Variants in YIPF7 observed in about 807,000 individuals in gnomAD.
The protein encoded by YIPF7 is protein YIPF7.
YIPF7 carries 35 observed loss-of-function variants against 27.2 expected under a neutral mutation model. The observed-to-expected ratio is 1.29, with a 90% confidence interval of 0.98 to 1.70. YIPF7 has a LOEUF of 1.70. Among genes scored for constraint, YIPF7 ranks in the 40% most tolerant of loss-of-function variants. The pLI is 0.00. For missense variants in YIPF7, 358 were observed against 303.7 expected, an observed-to-expected ratio of 1.18 and a Z score of -1.33; for synonymous variants, 137 against 110.4, an observed-to-expected ratio of 1.24 and a Z score of -1.51.
At chr4:44,644,615 G>A (rs1220716521) in intron 2 of YIPF7, among the ~76,000 whole-genome samples, 1 of 152,188 alleles carries the variant, frequency 6.6e-6, no homozygotes, top group Non-Finnish European at 1.5e-5. Context: ...GCAGAAGGGA[G>A]TAGCCTTGTG....
chr4:44,645,491 A>G (rs75417897), intron 2 of YIPF7, among the ~76,000 whole-genome samples: 1 of 152,222 alleles, frequency 6.6e-6, no homozygotes, highest in Non-Finnish European at 1.5e-5. Flanking sequence ...AATATGCTCA[A>G]TATTTAAGAT....
intron 3 of YIPF7, among the ~76,000 whole-genome samples, chr4:44,635,033 AAAG>A (rs1476875745): frequency 6.6e-6 from 1 of 152,218 alleles, no homozygotes; most frequent in Non-Finnish European, 1.5e-5. Flanking sequence ...TAAGGAAAAG[AAAG>A]AAGAATGTGG....
At chr4:44,638,306 G>GAATAGGCAAGCTTGC (rs1713208938) in intron 2 of YIPF7, among the ~76,000 whole-genome samples, 1 of 150,914 alleles carries the variant, frequency 6.6e-6, no homozygotes, top group African/African-American at 2.4e-5. Context: ...GATGGAGCTG[G>GAATAGGCAAGCTTGC]ACTAGGCAAG....
intron 1 of YIPF7, among the ~76,000 whole-genome samples, chr4:44,650,355 A>T (rs772714168): frequency 6.6e-6 from 1 of 152,190 alleles, no homozygotes; most frequent in Non-Finnish European, 1.5e-5. Context: ...TAATAACTTG[A>T]CTTTAATTCA....
chr4:44,650,507 G>GCGCGCGCACACACATGCGCGCGCGCGCA (rs6148421), intron 1 of YIPF7, among the ~76,000 whole-genome samples: 1 of 137,086 alleles, frequency 7.3e-6, no homozygotes, highest in African/African-American at 2.7e-5. Flanking sequence ...GCGCGCGCGC[G>GCGCGCGCACACACATGCGCGCGCGCGCA]CACACACACA....
chr4:44,660,571 G>A (rs1714020638), exon 2 of YIPF7: 1 of 152,166 alleles, frequency 6.6e-6, no homozygotes, highest in Non-Finnish European at 1.5e-5. Context: ...TCCCAGTTGA[G>A]GCCACAGACA....
At chr4:44,651,118 C>T (rs1179559144) in intron 1 of YIPF7, among the ~76,000 whole-genome samples, 5 of 152,120 alleles carry the variant, frequency 3.3e-5, no homozygotes, top group African/African-American at 1.2e-4. Context: ...TAAACAGCCT[C>T]AACTCTAAAG....
At chr4:44,635,721 A>T (rs1033908028) in intron 3 of YIPF7, among the ~76,000 whole-genome samples, 1 of 152,144 alleles carries the variant, frequency 6.6e-6, no homozygotes, top group Non-Finnish European at 1.5e-5. Context: ...AGAATATCTC[A>T]TATCTGCACC....
At chr4:44,632,392 G>A (rs1354394641) in intron 3 of YIPF7, among the ~76,000 whole-genome samples, 2 of 152,178 alleles carry the variant, frequency 1.3e-5, no homozygotes, top group African/African-American at 2.4e-5. Context: ...TCATATGGAA[G>A]TCTCGAGCTA....
At position 44,644,063 on chromosome 4, in the gene YIPF7, C is replaced by T. The variant is rs187936484; in HGVS notation, c.116+5922G>A. Among the ~76,000 whole-genome samples the T allele has an allele frequency of 2.5e-3, 381 of 152,224 alleles. 1 individual carries two copies. The highest frequency in any genetic ancestry group is 3.9e-3 in the Non-Finnish European group (262 of 68,002). ...CATCCAGACCCCAGAATGGTAGATC[C>T]CCCAGAAACTTGCAACCTGCATCTA... On this transcript the variant is annotated intron_variant, in intron 2 of 5. Transcript: ENST00000415895.
At chr4:44,650,253 A>G (rs1021305806) in intron 1 of YIPF7, among the ~76,000 whole-genome samples, 152 bp from the exon 2 acceptor site, 2 of 152,206 alleles carry the variant, frequency 1.3e-5, no homozygotes, top group Non-Finnish European at 2.9e-5. Context: ...TATTGGGGGA[A>G]GGGTATAGAA....
In YIPF7 at chr4:44,646,064, C is replaced by A. The variant is rs189331756; in HGVS notation, c.116+3921G>T. Among the ~76,000 whole-genome samples the A allele has an allele frequency of 1.4e-4, 21 of 152,254 alleles. No individual in the cohort carries two copies. In the East Asian group the frequency reaches 3.9e-3, roughly 28 times the overall value. On this transcript the variant is annotated intron_variant, in intron 2 of 5. Coordinates refer to ENST00000415895, the MANE Select transcript of YIPF7 (RefSeq NM_182592.3). ...TAGATATCTTATAGTTTTCTAAAAG[C>A]AGAGATGTTGGTGGAGTCAAGGAAA...
At chr4:44,640,650 G>A (rs1713292883) in intron 2 of YIPF7, among the ~76,000 whole-genome samples, 1 of 152,098 alleles carries the variant, frequency 6.6e-6, no homozygotes, top group Non-Finnish European at 1.5e-5. Context: ...CCCAACTGTT[G>A]CCCCTCAGTT....
intron 5 of YIPF7, 137 bp downstream of exon 5, chr4:44,624,464 A>C (rs905518725): frequency 2.0e-6 from 2 of 980,934 alleles, no homozygotes; most frequent in African/African-American, 3.3e-5. Context: ...TTCTTAATCT[A>C]TGAGTAGCTT....
upstream of YIPF7, among the ~76,000 whole-genome samples, chr4:44,653,715 A>C (rs1413310808): frequency 1.3e-5 from 2 of 152,118 alleles, no homozygotes; most frequent in Non-Finnish European, 2.9e-5. Context: ...TCTAGTGCAT[A>C]ATGCCATAGG....
At chr4:44,642,047 C>G (rs1290107735) in intron 2 of YIPF7, among the ~76,000 whole-genome samples, 1 of 152,048 alleles carries the variant, frequency 6.6e-6, no homozygotes, top group Non-Finnish European at 1.5e-5. Context: ...ACTAAATGGA[C>G]CAATGTCTAA....
At chr4:44,640,269 T>C (rs1330341168) in intron 2 of YIPF7, among the ~76,000 whole-genome samples, 2 of 152,214 alleles carry the variant, frequency 1.3e-5, no homozygotes, top group South Asian at 2.1e-4. Flanking sequence ...TAGTATTATT[T>C]CTTTTTTGTA....
chr4:44,637,889 C>T (rs1713184436), intron 2 of YIPF7, among the ~76,000 whole-genome samples: 1 of 152,128 alleles, frequency 6.6e-6, no homozygotes, highest in Non-Finnish European at 1.5e-5. Flanking sequence ...TAATAGTCTC[C>T]AGTTCCATCT....
chr4:44,631,719 G>A (rs80138585), intron 3 of YIPF7, among the ~76,000 whole-genome samples: 3,935 of 152,144 alleles, frequency 0.026, 156 homozygotes, highest in African/African-American at 0.089. Flanking sequence ...AATATGAGCA[G>A]TTCACCAAGC....
Sources: allele counts gnomAD v4.1 joint callset (sites outside exome capture counted in the v4.1 genomes callset), GRCh38; gene constraint gnomAD v4.1.1; transcripts MANE v1.5; gene names NCBI Gene and HGNC (gene_info 2026-07-23, HGNC 2026-07-21).